The following TTC29 variants were observed in gnomAD, a reference collection of about 807,000 sequenced individuals.
The protein encoded by TTC29 is tetratricopeptide repeat domain 29.
Under a neutral mutation model 58.1 loss-of-function variants are expected in TTC29, and 49 were observed. The observed-to-expected ratio is 0.84, with a 90% CI of 0.67 to 1.07. The LOEUF is 1.07. TTC29 is among the 50% of genes least tolerant of loss of function. The probability of loss-of-function intolerance (pLI) is 0.00; values close to 1 mark genes in which losing one functional copy is unlikely to be tolerated. For synonymous variants in TTC29, 209 were observed against 196.8 expected, an observed-to-expected ratio of 1.06 and a Z score of -0.52; for missense variants, 582 against 555.6, an observed-to-expected ratio of 1.05 and a Z score of -0.48.
At chr4:146,857,298 G>GTGTGTGTGTGT (rs1561193683) in intron 8 of TTC29, among the ~76,000 whole-genome samples, 2 of 151,616 alleles carry the variant, frequency 1.3e-5, no homozygotes, top group African/African-American at 4.9e-5. Context: ...GTGTGTGTGT[G>GTGTGTGTGTGT]GAGGGTAATG....
chr4:146,845,659 T>C (rs1044716411), intron 8 of TTC29, among the ~76,000 whole-genome samples: 3 of 152,206 alleles, frequency 2.0e-5, no homozygotes, highest in Non-Finnish European at 4.4e-5. Flanking sequence ...AGATTTACGA[T>C]GTGCAGGACT....
At position 146,753,568 on chromosome 4, in the gene TTC29, G is replaced by T. The variant is rs561850257; in HGVS notation, c.1331-46017C>A. On this transcript the variant is annotated intron_variant, in intron 11 of 12. Coordinates refer to ENST00000325106, the MANE Select transcript of TTC29 (RefSeq NM_031956.4). ...TATTGCTGGATATATATACCCAAAG[G>T]ATTATAAATCATGCTGCTATAAAGA... Among the ~76,000 whole-genome samples the T allele has an allele frequency of 5.3e-5, 8 of 152,236 alleles. No homozygotes were observed. The East Asian group carries it at 1.5e-3, about 29-fold the overall frequency.
intron 11 of TTC29, among the ~76,000 whole-genome samples, chr4:146,787,988 C>A (rs1303932895): frequency 1.3e-5 from 2 of 152,232 alleles, no homozygotes; most frequent in Admixed American, 1.3e-4. Flanking sequence ...CTGGGTACAG[C>A]ATGCTGCCTA....
chr4:146,787,386 A>G (rs1021718186), intron 11 of TTC29, among the ~76,000 whole-genome samples: 1 of 152,158 alleles, frequency 6.6e-6, no homozygotes, highest in African/African-American at 2.4e-5. Context: ...TAAAAATTGT[A>G]TGCGTGTGTG....
At chr4:146,863,618 G>A (rs6816827) in intron 8 of TTC29, among the ~76,000 whole-genome samples, 31,769 of 152,092 alleles carry the variant, frequency 0.21, 4,001 homozygotes, top group East Asian at 0.32. Context: ...CCTCTCATGT[G>A]TATATGAAAA....
intron 11 of TTC29, among the ~76,000 whole-genome samples, chr4:146,759,925 G>A (rs992090682): frequency 6.6e-6 from 1 of 152,176 alleles, no homozygotes; most frequent in Middle Eastern, 3.4e-3. Context: ...AGTACTGGAA[G>A]TCCTAGCCAG....
chr4:146,847,793 T>G (rs1729269671), intron 8 of TTC29, among the ~76,000 whole-genome samples: 1 of 152,220 alleles, frequency 6.6e-6, no homozygotes, highest in African/African-American at 2.4e-5. Flanking sequence ...TGCCTTTGAA[T>G]GCTCGCACTG....
At chr4:146,749,954 G>C (rs1745852692) in intron 11 of TTC29, among the ~76,000 whole-genome samples, 1 of 152,112 alleles carries the variant, frequency 6.6e-6, no homozygotes, top group Admixed American at 6.5e-5. Flanking sequence ...GCAAAACGAA[G>C]GAGAAATAAA....
chr4:146,788,494 G>T (rs959808385), intron 11 of TTC29, among the ~76,000 whole-genome samples: 3 of 152,142 alleles, frequency 2.0e-5, no homozygotes, highest in Non-Finnish European at 4.4e-5. Context: ...TTACATGCAT[G>T]TGATTCGTAA....
At chr4:146,818,664 G>T (rs1363708897) in intron 10 of TTC29, among the ~76,000 whole-genome samples, 1 of 152,164 alleles carries the variant, frequency 6.6e-6, no homozygotes, top group Non-Finnish European at 1.5e-5. Context: ...ATTCACAATA[G>T]CAAAGACTTG....
chr4:146,900,553 G>A (rs760877440), intron 6 of TTC29, among the ~76,000 whole-genome samples: 9 of 152,258 alleles, frequency 5.9e-5, no homozygotes, highest in Non-Finnish European at 1.0e-4. Context: ...ACATGGTGCC[G>A]TGCGTACTAA....
At chr4:146,863,234 T>G (rs766276613) in intron 8 of TTC29, among the ~76,000 whole-genome samples, 2 of 152,206 alleles carry the variant, frequency 1.3e-5, no homozygotes, top group Non-Finnish European at 2.9e-5. Flanking sequence ...TTTTGCAGTT[T>G]GCAAAAATAT....
intron 11 of TTC29, among the ~76,000 whole-genome samples, chr4:146,721,593 G>A (rs1396063442): frequency 6.6e-6 from 1 of 152,136 alleles, no homozygotes; most frequent in African/African-American, 2.4e-5. Flanking sequence ...TAAAATGTTA[G>A]TTGGCACATA....
At chr4:146,719,363 A>G (rs1743187447) in intron 11 of TTC29, among the ~76,000 whole-genome samples, 1 of 152,180 alleles carries the variant, frequency 6.6e-6, no homozygotes, top group Non-Finnish European at 1.5e-5. Flanking sequence ...GGAGAGATTA[A>G]CTTGCTGAAT....
chr4:146,841,751 T>A (rs1728864698), intron 8 of TTC29, among the ~76,000 whole-genome samples: 1 of 152,022 alleles, frequency 6.6e-6, no homozygotes, highest in Non-Finnish European at 1.5e-5. Flanking sequence ...TGTTCAAATT[T>A]TCTCCAAACA....
At chr4:146,721,215 T>C (rs17021815) in intron 11 of TTC29, among the ~76,000 whole-genome samples, 3,490 of 152,234 alleles carry the variant, frequency 0.023, 140 homozygotes, top group African/African-American at 0.078. Flanking sequence ...GTCTGCTGGG[T>C]TTCCATGGTA....
At chr4:146,854,591 T>C (rs1487168248) in intron 8 of TTC29, among the ~76,000 whole-genome samples, 1 of 152,118 alleles carries the variant, frequency 6.6e-6, no homozygotes, top group Non-Finnish European at 1.5e-5. Flanking sequence ...TTCCCCTCCA[T>C]AAGCCCTCTC....
intron 5 of TTC29, among the ~76,000 whole-genome samples, chr4:146,907,091 C>G (rs1733569409): frequency 6.6e-6 from 1 of 152,200 alleles, no homozygotes; most frequent in South Asian, 2.1e-4. Flanking sequence ...CACTGTACTC[C>G]AGCCTGGTTG....
chr4:146,847,314 C>A (rs1266538356), intron 8 of TTC29, among the ~76,000 whole-genome samples: 1 of 152,146 alleles, frequency 6.6e-6, no homozygotes, highest in Non-Finnish European at 1.5e-5. Flanking sequence ...CCTGGCTTCC[C>A]AGTAGAGTTT....
Sources: allele counts gnomAD v4.1 joint callset (sites outside exome capture counted in the v4.1 genomes callset), GRCh38; gene constraint gnomAD v4.1.1; transcripts MANE v1.5; gene names NCBI Gene and HGNC (gene_info 2026-07-23, HGNC 2026-07-21).